The following RBFOX1 variants were observed in gnomAD, a reference collection of about 807,000 sequenced individuals.
RBFOX1 encodes the protein RNA binding protein fox-1 homolog 1.
A neutral mutation model predicts 57.7 loss-of-function variants in RBFOX1; 8 were observed. That is an observed-to-expected ratio of 0.14 (90% CI 0.08 to 0.25). RBFOX1 has a LOEUF of 0.25. RBFOX1 is among the 10% of genes least tolerant of loss of function. The pLI, the probability that RBFOX1 is intolerant of heterozygous loss-of-function variation, is 1.00. For missense variants in RBFOX1, 611 were observed against 548.5 expected (o/e 1.11, Z -1.14); for synonymous variants, 326 against 222.4 (o/e 1.47, Z -4.15).
At chr16:7,149,927 T>G (rs1433998003) in intron 4 of RBFOX1, among the ~76,000 whole-genome samples, 3 of 152,164 alleles carry the variant, frequency 2.0e-5, no homozygotes, top group African/African-American at 7.2e-5. Context: ...TCCCGTGGCT[T>G]GTTATTTGCA....
At chr16:6,522,796 C>A (rs530576074) in intron 2 of RBFOX1, among the ~76,000 whole-genome samples, 2 of 152,156 alleles carry the variant, frequency 1.3e-5, no homozygotes, top group Non-Finnish European at 2.9e-5. Context: ...ATAATGCAAC[C>A]CAAACCTTTG....
chr16:7,574,179 G>A (rs1420621388), intron 5 of RBFOX1, among the ~76,000 whole-genome samples: 1 of 152,156 alleles, frequency 6.6e-6, no homozygotes, highest in Non-Finnish European at 1.5e-5. Flanking sequence ...GCTGATGAAA[G>A]GCTTTCCAGC....
intron 4 of RBFOX1, among the ~76,000 whole-genome samples, chr16:7,492,438 G>C (rs1045967964): frequency 3.9e-5 from 6 of 151,982 alleles, no homozygotes; most frequent in African/African-American, 1.5e-4. Context: ...TAGAACTGTA[G>C]AAGCTTGGTG....
intron 2 of RBFOX1, among the ~76,000 whole-genome samples, chr16:5,476,309 A>G (rs938617375): frequency 1.3e-5 from 2 of 152,210 alleles, no homozygotes; most frequent in Admixed American, 6.5e-5. Context: ...AAAGTGCAGA[A>G]TCTGATTCGG....
intron 3 of RBFOX1, among the ~76,000 whole-genome samples, chr16:5,836,823 C>T (rs536432366): frequency 2.5e-4 from 38 of 152,288 alleles, no homozygotes; most frequent in African/African-American, 8.4e-4. Flanking sequence ...GGGAGAAGCA[C>T]CCAGATGAGA....
At chr16:5,396,446 G>T (rs1163782535) in intron 1 of RBFOX1, among the ~76,000 whole-genome samples, 1 of 152,074 alleles carries the variant, frequency 6.6e-6, no homozygotes, top group Non-Finnish European at 1.5e-5. Context: ...TTTGAGACCT[G>T]TCTGAGCAAC....
intron 4 of RBFOX1, among the ~76,000 whole-genome samples, chr16:7,467,673 T>C (rs1463594340): frequency 6.6e-6 from 1 of 152,202 alleles, no homozygotes; most frequent in Non-Finnish European, 1.5e-5. Flanking sequence ...TAAATAAGAT[T>C]GTATACCTAC....
intron 2 of RBFOX1, among the ~76,000 whole-genome samples, chr16:6,511,113 A>G (rs2096247451): frequency 6.6e-6 from 1 of 152,316 alleles, no homozygotes; most frequent in African/African-American, 2.4e-5. Flanking sequence ...ACGTAAGAGC[A>G]GGCACTGGAT....
intron 2 of RBFOX1, among the ~76,000 whole-genome samples, chr16:6,521,744 C>A (rs2096503509): frequency 6.6e-6 from 1 of 152,124 alleles, no homozygotes; most frequent in Admixed American, 6.6e-5. Flanking sequence ...TGGGACTTGA[C>A]TTTAGATACG....
chr16:5,496,668 G>C (rs1407253745), intron 2 of RBFOX1, among the ~76,000 whole-genome samples: 1 of 152,132 alleles, frequency 6.6e-6, no homozygotes, highest in Admixed American at 6.5e-5. Context: ...AGGAGGAGAC[G>C]TGTTTGGGAT....
intron 9 of RBFOX1, among the ~76,000 whole-genome samples, chr16:7,597,692 T>C (rs2094780228): frequency 1.3e-5 from 2 of 152,366 alleles, no homozygotes; most frequent in Non-Finnish European, 2.9e-5. Flanking sequence ...GCACTAATTA[T>C]TTGGAAATTA....
intron 4 of RBFOX1, among the ~76,000 whole-genome samples, chr16:7,312,469 C>G (rs561676987): frequency 5.3e-4 from 80 of 152,212 alleles, no homozygotes; most frequent in Non-Finnish European, 9.4e-4. Context: ...ATAAACTTCT[C>G]GTTTCCATTT....
At chr16:7,505,878 G>A (rs962198111) in intron 4 of RBFOX1, among the ~76,000 whole-genome samples, 11 of 152,130 alleles carry the variant, frequency 7.2e-5, no homozygotes, top group African/African-American at 2.4e-4. Context: ...CAACTTTAGA[G>A]TTCTTTGTTC....
At chr16:7,317,059 G>A (rs954798517) in intron 4 of RBFOX1, among the ~76,000 whole-genome samples, 1 of 151,870 alleles carries the variant, frequency 6.6e-6, no homozygotes, top group African/African-American at 2.4e-5. Context: ...ACAAAGGCCA[G>A]TTTGGCTTTT....
At chr16:6,916,416 C>G (rs1311061448) in intron 3 of RBFOX1, among the ~76,000 whole-genome samples, 1 of 151,984 alleles carries the variant, frequency 6.6e-6, no homozygotes, top group South Asian at 2.1e-4. Context: ...TGAATATATC[C>G]CTAGGTGTGG....
chr16:7,460,389 A>ATATATATATATATATATGTGTGTG, intron 4 of RBFOX1, among the ~76,000 whole-genome samples: 54 of 87,196 alleles, frequency 6.2e-4, no homozygotes, highest in South Asian at 3.6e-3. Context: ...ATATATATAT[A>ATATATATATATATATATGTGTGTG]TGTGTGTGTG....
At chr16:5,405,073 A>G (rs1431338677) in intron 1 of RBFOX1, among the ~76,000 whole-genome samples, 1 of 152,128 alleles carries the variant, frequency 6.6e-6, no homozygotes, top group Non-Finnish European at 1.5e-5. Context: ...CTGTGCAAAG[A>G]GAGGTTGAGC....
intron 2 of RBFOX1, among the ~76,000 whole-genome samples, chr16:6,450,210 T>A (rs887142507): frequency 2.0e-5 from 3 of 152,152 alleles, no homozygotes; most frequent in African/African-American, 7.2e-5. Flanking sequence ...ACCTAAGTAT[T>A]TTTTGACTCC....
At chr16:7,624,204 T>C (rs1224592334) in intron 10 of RBFOX1, among the ~76,000 whole-genome samples, 1 of 152,200 alleles carries the variant, frequency 6.6e-6, no homozygotes, top group Admixed American at 6.5e-5. Flanking sequence ...TTGGCAAATA[T>C]TGAAAAAAGC....
Sources: allele counts gnomAD v4.1 joint callset (sites outside exome capture counted in the v4.1 genomes callset), GRCh38; gene constraint gnomAD v4.1.1; transcripts MANE v1.5; gene names NCBI Gene and HGNC (gene_info 2026-07-23, HGNC 2026-07-21).